FBXO17: variants seen among roughly 807,000 people sequenced by gnomAD.
FBXO17 encodes F-box only protein 17.
A neutral mutation model predicts 34.1 loss-of-function variants in FBXO17; 43 were observed. The ratio of observed to expected loss-of-function variants is 1.26; its 90% confidence interval spans 0.99 to 1.62. The LOEUF (loss-of-function observed/expected upper bound fraction) is 1.62. FBXO17 is among the 40% of genes most tolerant of loss of function. FBXO17 has a pLI of 0.00. For synonymous variants in FBXO17, 169 were observed against 166.0 expected, an observed-to-expected ratio of 1.02 and a Z score of -0.14; for missense variants, 424 against 386.7, an observed-to-expected ratio of 1.10 and a Z score of -0.81.
At position 38,974,377 on chromosome 19, in the gene FBXO17, C is replaced by G. The variant is rs551936053; in HGVS notation, c.-18+1209G>C. Reference sequence around the variant, plus strand: ...ACAAGCGTGAGCCACCGCGCACGCCCGGCCTAAAAATATATTTTTTAAAAA... The same window carrying G: ...ACAAGCGTGAGCCACCGCGCACGCCGGGCCTAAAAATATATTTTTTAAAAA... On this transcript the variant is annotated intron_variant, in intron 1 of 5. Coordinates refer to ENST00000292852, the MANE Select transcript of FBXO17 (RefSeq NM_024907.7). 3.0e-3 allele frequency among the ~76,000 whole-genome samples: 462 copies of G among 152,072 alleles called. 10 individuals carry two copies. The South Asian group carries it at 0.033, about 11-fold the overall frequency.
rs554875919 is a variant in FBXO17 at position 38,950,274 on chromosome 19, G to A, written c.46C>T (p.Leu16=). ...SRRRLPADPS[L]ALDALPPELL... Reference sequence around the variant, plus strand: ...TCCGGGGGCAGCGCGTCCAGGGCCAGGGATGGGTCCGCCGGCAGCCGTCGC... The same window carrying A: ...TCCGGGGGCAGCGCGTCCAGGGCCAAGGATGGGTCCGCCGGCAGCCGTCGC... Residue 16 remains leucine (L), a synonymous_variant, in exon 2 of 6, where the codon CTG becomes TTG. Transcript: ENST00000292852. 1.2e-4 allele frequency: 181 copies of A among 1,475,234 alleles called. No homozygotes were observed. The African/African-American group carries it at 2.5e-3, about 20-fold the overall frequency. 91.4% of individuals were successfully genotyped at this position (1,475,234 alleles called of 1,614,324 possible).
At chr19:38,964,754 G>A (rs1327242585) in intron 1 of FBXO17, among the ~76,000 whole-genome samples, 5 of 151,960 alleles carry the variant, frequency 3.3e-5, no homozygotes, top group Admixed American at 2.0e-4. Flanking sequence ...GTGACAGAGT[G>A]AGACCCCATT....
Position 38,950,056 on chromosome 19 carries a change from C to A in FBXO17, c.264G>T (p.Lys88Asn). Residue 88 changes from lysine (K) to asparagine (N), a missense_variant, in exon 2 of 6, where the codon AAG becomes AAT. By Grantham distance (94) the Lys-to-Asn change is moderately conservative (BLOSUM62 0). Coordinates refer to ENST00000292852, the MANE Select transcript of FBXO17 (RefSeq NM_024907.7). ...AQRCLPSNED[K>N]EEFPLCALAR... ...CCAGGGCGCACAGCGGGAACTCCTC[C>A]TTGTCTTCGTTGCTGGGCAGGCAGC... The A allele has an allele frequency of 6.4e-7, 1 of 1,568,832 alleles. No homozygotes were observed.
chr19:38,965,690 A>T (rs906564253), intron 1 of FBXO17, among the ~76,000 whole-genome samples: 8 of 152,074 alleles, frequency 5.3e-5, no homozygotes, highest in Admixed American at 5.2e-4. Context: ...TATTTTTAGT[A>T]GAGACGAGGT....
chr19:38,944,918 C>T (rs771649895), intron 5 of FBXO17, 51 bp downstream of exon 5: 18 of 1,605,694 alleles, frequency 1.1e-5, no homozygotes, highest in Middle Eastern at 1.7e-4. Flanking sequence ...AGAGGCTGGG[C>T]GTGTGTGCCT....
At chr19:38,970,056 A>C (rs1162086265) in intron 1 of FBXO17, among the ~76,000 whole-genome samples, 3 of 152,108 alleles carry the variant, frequency 2.0e-5, no homozygotes, top group Admixed American at 1.3e-4. Flanking sequence ...CCACTGTAGC[A>C]CATACAAATA....
At chr19:38,973,535 G>A (rs185050837) in intron 1 of FBXO17, among the ~76,000 whole-genome samples, 83 of 150,862 alleles carry the variant, frequency 5.5e-4, no homozygotes, top group African/African-American at 1.8e-3. Flanking sequence ...AAAACACTTC[G>A]TTTTCCATTC....
intron 1 of FBXO17, among the ~76,000 whole-genome samples, chr19:38,964,342 G>T (rs1224407490): frequency 4.0e-5 from 6 of 151,756 alleles, no homozygotes; most frequent in African/African-American, 1.5e-4. Flanking sequence ...ATTAATTTTT[G>T]TTTGTTTGTT....
At chr19:38,955,581 T>C (rs1975156390) in intron 1 of FBXO17, among the ~76,000 whole-genome samples, 1 of 151,736 alleles carries the variant, frequency 6.6e-6, no homozygotes, top group Non-Finnish European at 1.5e-5. Context: ...GCTCCCAGGT[T>C]CAAGTGATTC....
At chr19:38,955,097 A>AT (rs906008481) in intron 1 of FBXO17, among the ~76,000 whole-genome samples, 1 of 148,698 alleles carries the variant, frequency 6.7e-6, no homozygotes, top group Non-Finnish European at 1.5e-5. Context: ...TGCCCAGCTA[A>AT]TTTTTTTGTA....
intron 1 of FBXO17, among the ~76,000 whole-genome samples, chr19:38,970,020 A>C (rs975347967): frequency 1.3e-5 from 2 of 152,122 alleles, no homozygotes; most frequent in African/African-American, 4.8e-5. Context: ...TAACAGCTTC[A>C]GATTGGAAAA....
At chr19:38,966,041 G>A (rs1238154864) in intron 1 of FBXO17, among the ~76,000 whole-genome samples, 1 of 151,870 alleles carries the variant, frequency 6.6e-6, no homozygotes, top group East Asian at 1.9e-4. Context: ...CGTGATCTTG[G>A]CTCACTGCAA....
Position 38,959,283 on chromosome 19 carries a change from C to CTTTT in FBXO17, c.-17-8951_-17-8948dup, listed in dbSNP as rs71167603. ...CCTGTCTTTCTTTCTTTCTTTCTTT[C>CTTTT]TTTTTTTTTTTTTGAGACAGAGTCT... On this transcript the variant is annotated intron_variant, in intron 1 of 5. Coordinates refer to ENST00000292852, the MANE Select transcript of FBXO17 (RefSeq NM_024907.7). Among the ~76,000 whole-genome samples the CTTTT allele has an allele frequency of 5.5e-5, 7 of 128,122 alleles. No homozygotes were observed. In the South Asian group the frequency reaches 1.5e-3, roughly 27 times the overall value. 84.1% of individuals were successfully genotyped at this position (128,122 alleles called of 152,430 possible). A position where few individuals can be genotyped will look rare whatever the true frequency, so the allele number is the denominator to read the frequency against.
chr19:38,945,460 G>GCGGTT, intron 4 of FBXO17: 1 of 259,422 alleles, frequency 3.9e-6, no homozygotes, highest in Non-Finnish European at 7.0e-6. Context: ...GGGTGGTCCT[G>GCGGTT]GAGTGGAGCC....
At chr19:38,954,268 TTTTA>T (rs1975129441) in intron 1 of FBXO17, among the ~76,000 whole-genome samples, 1 of 152,130 alleles carries the variant, frequency 6.6e-6, no homozygotes. Flanking sequence ...ATGTGTTATT[TTTTA>T]TTTATTTACT....
intron 2 of FBXO17, 33 bp downstream of exon 2, chr19:38,949,938 C>T: frequency 6.7e-7 from 1 of 1,487,390 alleles, no homozygotes; most frequent in Non-Finnish European, 8.9e-7. Context: ...CGCGGCCCCC[C>T]TCAGCCTCCT....
At chr19:38,963,399 A>G (rs1267796042) in intron 1 of FBXO17, among the ~76,000 whole-genome samples, 1 of 151,438 alleles carries the variant, frequency 6.6e-6, no homozygotes, top group South Asian at 2.1e-4. Flanking sequence ...GGCTCAAGCA[A>G]TCCTCCCATC....
chr19:38,946,222 G>A (rs1974980749), intron 4 of FBXO17: 1 of 581,074 alleles, frequency 1.7e-6, no homozygotes. Context: ...TATCAAGCCA[G>A]TCAGTGGCCC....
chr19:38,974,716 A>G (rs79020038), intron 1 of FBXO17, among the ~76,000 whole-genome samples: 2,902 of 152,296 alleles, frequency 0.019, 89 homozygotes, highest in African/African-American at 0.065. Flanking sequence ...TAAAAAGTGG[A>G]AAAAGTTAAA....
Sources: allele counts gnomAD v4.1 joint callset (sites outside exome capture counted in the v4.1 genomes callset), GRCh38; gene constraint gnomAD v4.1.1; transcripts MANE v1.5; gene names NCBI Gene and HGNC (gene_info 2026-07-23, HGNC 2026-07-21).